The following LIN9 variants were observed in gnomAD, a reference collection of about 807,000 sequenced individuals.
LIN9 encodes lin-9 DREAM MuvB core complex component, also known as protein lin-9 homolog.
In LIN9, 18 loss-of-function variants were observed where a neutral mutation model predicts 78.0. The observed-to-expected ratio is 0.23, with a 90% CI of 0.16 to 0.34. The LOEUF (loss-of-function observed/expected upper bound fraction) is 0.34, where lower values mean the gene tolerates loss of function less well. LIN9 is among the 10% of genes least tolerant of loss of function. LIN9 has a pLI of 1.00. For missense variants in LIN9, 451 were observed against 644.1 expected (o/e 0.70, Z 3.25); for synonymous variants, 192 against 215.2 (o/e 0.89, Z 0.94).
At chr1:226,268,185 G>A in intron 7 of LIN9, 95 bp from the exon 8 acceptor site, 3 of 1,180,104 alleles carry the variant, frequency 2.5e-6, no homozygotes, top group Non-Finnish European at 3.5e-6. Context: ...TCATAGTACA[G>A]TATTTTGTCT....
At chr1:226,309,615 G>A (rs992753411), upstream of LIN9, 7 of 1,262,414 alleles carry the variant, frequency 5.5e-6, no homozygotes, top group African/African-American at 6.2e-5. Context: ...TACGCAAAGT[G>A]AAATACTCAC....
chr1:226,254,674 G>A (rs919694402), intron 10 of LIN9, among the ~76,000 whole-genome samples: 1 of 152,018 alleles, frequency 6.6e-6, no homozygotes, highest in Non-Finnish European at 1.5e-5. Flanking sequence ...CACTTTGGGA[G>A]GACGAGACGG....
chr1:226,295,972 T>C (rs762610526), intron 3 of LIN9, 26 bp from the exon 4 acceptor site: 2 of 1,522,358 alleles, frequency 1.3e-6, no homozygotes, highest in South Asian at 1.2e-5. Flanking sequence ...TTTCATTTAA[T>C]GAAAAAGCCG....
chr1:226,241,350 G>A (rs908361994), intron 11 of LIN9, among the ~76,000 whole-genome samples: 12 of 151,994 alleles, frequency 7.9e-5, no homozygotes, highest in Admixed American at 1.3e-4. Context: ...GCCTCTTCTC[G>A]GGGAAAAGTG....
At chr1:226,266,803 G>A (rs1160899672) in intron 8 of LIN9, among the ~76,000 whole-genome samples, 3 of 149,044 alleles carry the variant, frequency 2.0e-5, no homozygotes, top group South Asian at 2.1e-4. Context: ...TTTTGAGACC[G>A]AGTTTTACTC....
chr1:226,265,681 A>C lies in LIN9; in HGVS notation c.937-47T>G. 9.8e-7 allele frequency: 1 copy of C among 1,021,480 alleles called. No homozygotes were observed. The highest frequency in any genetic ancestry group is 1.5e-6 in the Non-Finnish European group (1 of 671,094). The allele number at this position is 1,021,480 out of a possible 1,614,324, so 63.3% of individuals were successfully genotyped here. On this transcript the variant is annotated intron_variant, in intron 9 of 14. Transcript: ENST00000681046. The surrounding 1 kb of genome is among the most constrained non-coding windows in gnomAD (Gnocchi z 4.1). ...ATTTAATCATTGACTATTCAGAGGA[A>C]GTATCTTATTTTTTTATTTTTATTT...
intron 11 of LIN9, among the ~76,000 whole-genome samples, chr1:226,247,930 T>C (rs374329971): frequency 9.7e-4 from 147 of 152,326 alleles, no homozygotes; most frequent in African/African-American, 3.5e-3. Context: ...CGCCTTGGCC[T>C]CCCAAAGTGC....
chr1:226,296,196 C>T (rs1442380506), intron 3 of LIN9, among the ~76,000 whole-genome samples: 4 of 152,162 alleles, frequency 2.6e-5, no homozygotes, highest in Admixed American at 2.6e-4. Context: ...ACTGGAACCC[C>T]AAGTCTCCTT....
At chr1:226,306,198 G>A (rs946246800) in intron 1 of LIN9, among the ~76,000 whole-genome samples, 10 of 152,086 alleles carry the variant, frequency 6.6e-5, no homozygotes, top group African/African-American at 2.4e-4. Flanking sequence ...GGTGGCGGGC[G>A]CCTGTAAACC....
intron 11 of LIN9, among the ~76,000 whole-genome samples, chr1:226,245,435 C>G (rs1173117362): frequency 6.6e-6 from 1 of 151,754 alleles, no homozygotes; most frequent in Non-Finnish European, 1.5e-5. Context: ...TTTTCCCCCC[C>G]CCCAAGAAAC....
chr1:226,252,281 A>AAAATAAATAAATAAATAAATAAAT (rs59130234), intron 10 of LIN9, among the ~76,000 whole-genome samples: 12 of 140,784 alleles, frequency 8.5e-5, no homozygotes, highest in Non-Finnish European at 1.8e-4. Context: ...ACCCCATCTC[A>AAAATAAATAAATAAATAAATAAAT]AAATAAATAA....
intron 11 of LIN9, among the ~76,000 whole-genome samples, chr1:226,248,895 C>A (rs1275624462): frequency 1.3e-5 from 2 of 152,074 alleles, no homozygotes; most frequent in East Asian, 3.8e-4. Context: ...ACATATCAAG[C>A]CAACTAGATT....
intron 1 of LIN9, among the ~76,000 whole-genome samples, chr1:226,303,827 G>A (rs1051208617): frequency 1.3e-5 from 2 of 152,148 alleles, no homozygotes; most frequent in African/African-American, 4.8e-5. Context: ...GGCTGGTCTC[G>A]AACTCCTGAC....
At position 226,265,743 on chromosome 1, in the gene LIN9, A is replaced by AT. The variant is rs1415091158; in HGVS notation, c.937-110dup. ...GAGTCTCGCTCTGTTGCCACTTGTG[A>AT]TCTCGGCTCACTGCAATCTCTGACT... On this transcript the variant is annotated intron_variant, in intron 9 of 14. Transcript: ENST00000681046. This position sits in a 1 kb window ranked among gnomAD's most constrained non-coding sequence, Gnocchi z 4.1. 8.7e-6 allele frequency: 5 copies of AT among 573,258 alleles called. No individual in the cohort carries two copies. The highest frequency in any genetic ancestry group is 1.2e-5 in the Non-Finnish European group (4 of 331,206). 35.5% of individuals were successfully genotyped at this position (573,258 alleles called of 1,614,324 possible). A position where few individuals can be genotyped will look rare whatever the true frequency, so the allele number is the denominator to read the frequency against.
chr1:226,295,451 A>AATAT (rs1055348851), intron 4 of LIN9, among the ~76,000 whole-genome samples: 3 of 151,104 alleles, frequency 2.0e-5, no homozygotes, highest in African/African-American at 7.3e-5. Flanking sequence ...TCCGTCTCAA[A>AATAT]ATATATATAT....
At chr1:226,292,490 T>A (rs1679997173) in intron 4 of LIN9, among the ~76,000 whole-genome samples, 1 of 152,070 alleles carries the variant, frequency 6.6e-6, no homozygotes, top group Admixed American at 6.6e-5. Context: ...GGGTCTCTGT[T>A]CTATTGCCCA....
rs1213994184 is a variant in LIN9, at chr1:226,292,633, A to AC, written c.264+3208_264+3209insG. Among the ~76,000 whole-genome samples the AC allele has an allele frequency of 4.6e-5, 7 of 151,558 alleles. 1 individual carries two copies. Among genetic ancestry groups the AC allele is most frequent in the Non-Finnish European group, 1.5e-5 (1 of 67,848 alleles). ...CATGCCTGGCTAATTTTTAAAAAAA[A>AC]TTTTTTTTGTAGAGACAGGGTCTCA... On this transcript the variant is annotated intron_variant, in intron 4 of 14. Transcript: ENST00000681046.
intron 4 of LIN9, among the ~76,000 whole-genome samples, chr1:226,289,839 G>GGGGT (rs1553283403): frequency 8.9e-4 from 47 of 52,720 alleles, no homozygotes; most frequent in Non-Finnish European, 1.7e-3. Context: ...TCCTCCGGGG[G>GGGGT]GGGGGGTGGG....
intron 5 of LIN9, 34 bp from the exon 6 acceptor site, chr1:226,286,492 T>A: frequency 6.8e-7 from 1 of 1,466,940 alleles, no homozygotes. Context: ...AATGGTTACA[T>A]ACAATGTGTT....
Sources: gnomAD v4.1 joint callset for allele counts (sites outside exome capture counted in the v4.1 genomes callset) on GRCh38, gnomAD v4.1.1 for gene constraint, Gnocchi (gnomAD v3.1) non-coding constraint, MANE v1.5 for transcripts, NCBI Gene and HGNC (gene_info 2026-07-23, HGNC 2026-07-21) for gene names.